Variants in C5orf63 observed in about 807,000 individuals in gnomAD.
C5orf63 encodes chromosome 5 open reading frame 63.
C5orf63 carries 18 observed loss-of-function variants against 13.3 expected under a neutral mutation model. That is an observed-to-expected ratio of 1.36 (90% confidence interval 0.94 to 2.01). C5orf63 has a LOEUF of 2.01. Among genes scored for constraint, C5orf63 ranks in the 30% most tolerant of loss-of-function variants. C5orf63 has a pLI of 0.00. For missense variants in C5orf63, 118 were observed against 127.7 expected (o/e 0.92, Z 0.36); for synonymous variants, 38 against 44.7 (o/e 0.85, Z 0.60).
intron 3 of C5orf63, among the ~76,000 whole-genome samples, chr5:127,053,964 A>T (rs143850178): frequency 1.8e-3 from 276 of 152,242 alleles, no homozygotes; most frequent in Middle Eastern, 0.014. Context: ...TCATGTTATT[A>T]TTAGCATTAG....
chr5:127,061,857 T>G (rs758994246), intron 2 of C5orf63, among the ~76,000 whole-genome samples: 4 of 152,200 alleles, frequency 2.6e-5, no homozygotes, highest in Non-Finnish European at 4.4e-5. Context: ...GGCAGAAGAA[T>G]TAACTTCATT....
downstream of C5orf63, among the ~76,000 whole-genome samples, chr5:127,048,914 T>G (rs1002544240): frequency 1.3e-5 from 2 of 152,188 alleles, no homozygotes; most frequent in African/African-American, 4.8e-5. Flanking sequence ...ACTGGTGGTC[T>G]AGGAGAAGAA....
At chr5:127,049,043 T>C (rs1383156664), downstream of C5orf63, among the ~76,000 whole-genome samples, 5 of 152,076 alleles carry the variant, frequency 3.3e-5, no homozygotes, top group East Asian at 3.9e-4. Flanking sequence ...CCTGGTTGTA[T>C]TGAGAGTGGG....
downstream of C5orf63, among the ~76,000 whole-genome samples, chr5:127,050,861 G>A (rs1311161520): frequency 6.6e-6 from 1 of 152,160 alleles, no homozygotes; most frequent in Non-Finnish European, 1.5e-5. Flanking sequence ...TAAGAGGAAA[G>A]ACAGTTTTGT....
intron 2 of C5orf63, among the ~76,000 whole-genome samples, chr5:127,059,869 G>A (rs940072542): frequency 6.6e-6 from 1 of 152,106 alleles, no homozygotes; most frequent in African/African-American, 2.4e-5. Flanking sequence ...AAGCTGGCCA[G>A]GCGTGGTGGC....
downstream of C5orf63, chr5:127,044,769 CT>C (rs5871239): frequency 0.021 from 2,735 of 127,882 alleles, 79 homozygotes; most frequent in African/African-American, 0.066. Flanking sequence ...TCATTCTATG[CT>C]TTTTTTTTTT....
At chr5:127,056,930 T>C (rs1241616995) in intron 3 of C5orf63, among the ~76,000 whole-genome samples, 1 of 152,224 alleles carries the variant, frequency 6.6e-6, no homozygotes, top group Non-Finnish European at 1.5e-5. Context: ...TGCCTAATGG[T>C]ACAGAATAAG....
Position 127,051,788 on chromosome 5 carries a change from G to A in C5orf63, c.331C>T (p.Gln111Ter). ...LEKQLLKLEQ[Q>*]STGG ...GGCATCAGTCAGCCTCCAGTACTTT[G>A]CTGCTCAAGTTTCAGGAGCTGTTTT... Residue 111 changes from glutamine (Q) to a stop codon, truncating the protein, a stop_gained, in exon 5 of 5, where the codon CAA becomes TAA. Coordinates refer to ENST00000296662, the MANE Select transcript of C5orf63 (RefSeq NM_001164478.2). LOFTEE classifies it high-confidence loss of function. 1 of 1,523,596 alleles carries A rather than the reference G, an allele frequency of 6.6e-7. No homozygotes were observed. The highest frequency in any genetic ancestry group is 8.8e-7 in the Non-Finnish European group (1 of 1,141,158). 94.4% of individuals were successfully genotyped at this position (1,523,596 alleles called of 1,614,324 possible). A position where few individuals can be genotyped will look rare whatever the true frequency, so the allele number is the denominator to read the frequency against.
chr5:127,053,283 T>C (rs887345379), intron 3 of C5orf63, among the ~76,000 whole-genome samples: 2 of 152,224 alleles, frequency 1.3e-5, no homozygotes, highest in Admixed American at 1.3e-4. Context: ...AAACAACTTT[T>C]AGTGTCCATT....
intron 3 of C5orf63, chr5:127,056,638 T>C: frequency 6.6e-6 from 1 of 152,184 alleles, no homozygotes; most frequent in South Asian, 2.1e-4. Context: ...ATGGGAGCTA[T>C]AAGATGAGAT....
chr5:127,051,385 T>C lies in C5orf63; in HGVS notation c.*386A>G. On this transcript the variant is annotated 3_prime_UTR_variant, in exon 5 of 5. Coordinates refer to ENST00000296662, the MANE Select transcript of C5orf63 (RefSeq NM_001164478.2). The stretch of plus-strand genomic sequence containing the variant: ...ACTTTATCTACTGAGTGGAAGAGCA[T>C]TTATTCTTTCATTAAAAAGTTAAGC... The C allele has an allele frequency of 8.1e-7, 1 of 1,232,706 alleles. No individual in the cohort carries two copies. The highest frequency in any genetic ancestry group is 1.0e-6 in the Non-Finnish European group (1 of 988,494). The allele number at this position is 1,232,706 out of a possible 1,614,324, so 76.4% of individuals were successfully genotyped here.
At chr5:127,047,873 G>A (rs534484470), downstream of C5orf63, 53 of 703,254 alleles carry the variant, frequency 7.5e-5, no homozygotes, top group African/African-American at 3.3e-4. Context: ...GAAGGGGAGC[G>A]TCTTCTCCTT....
chr5:127,050,294 T>G (rs1753628597), downstream of C5orf63, among the ~76,000 whole-genome samples: 1 of 152,150 alleles, frequency 6.6e-6, no homozygotes, highest in African/African-American at 2.4e-5. Flanking sequence ...GTTCCAGAAA[T>G]TTGTAAATGA....
chr5:127,073,157 G>C (rs1055636840), intron 1 of C5orf63: 3 of 151,566 alleles, frequency 2.0e-5, no homozygotes, highest in African/African-American at 7.3e-5. Flanking sequence ...ATGAAGTTGA[G>C]ATGTTTTCTG....
intron 2 of C5orf63, among the ~76,000 whole-genome samples, chr5:127,065,992 A>AGAT (rs1754316016): frequency 6.6e-6 from 1 of 152,080 alleles, no homozygotes; most frequent in Non-Finnish European, 1.5e-5. Context: ...TACAGGGGAG[A>AGAT]GATAATAGCA....
rs184349820 is a variant in C5orf63, at chr5:127,051,494, C to T, written c.*277G>A. Reference sequence around the variant, plus strand: ...ACTGTGAAGTGCTTCTCTATTAATACAAAAAGGATAAATAAGACAAATGGA... The same window carrying T: ...ACTGTGAAGTGCTTCTCTATTAATATAAAAAGGATAAATAAGACAAATGGA... On this transcript the variant is annotated 3_prime_UTR_variant, in exon 5 of 5. Coordinates refer to ENST00000296662, the MANE Select transcript of C5orf63 (RefSeq NM_001164478.2). 1.7e-5 allele frequency: 21 copies of T among 1,235,386 alleles called. No homozygotes were observed. Among genetic ancestry groups the T allele is most frequent in the Non-Finnish European group, 2.1e-5 (21 of 990,112 alleles). 76.5% of individuals were successfully genotyped at this position (1,235,386 alleles called of 1,614,324 possible). A position where few individuals can be genotyped will look rare whatever the true frequency, so the allele number is the denominator to read the frequency against.
At chr5:127,042,574 G>A (rs990183521), downstream of C5orf63, 7 of 151,784 alleles carry the variant, frequency 4.6e-5, no homozygotes, top group African/African-American at 1.7e-4. Context: ...TGGCAGGGAG[G>A]AAAAATATTT....
At chr5:127,057,657 T>C (rs1162290027) in intron 3 of C5orf63, among the ~76,000 whole-genome samples, 4 of 152,228 alleles carry the variant, frequency 2.6e-5, no homozygotes, top group Admixed American at 6.5e-5. Flanking sequence ...TTCACAGACA[T>C]GCACATGCAT....
chr5:127,053,003 T>C (rs1447619257), intron 3 of C5orf63, among the ~76,000 whole-genome samples: 4 of 152,174 alleles, frequency 2.6e-5, no homozygotes, highest in African/African-American at 7.2e-5. Context: ...CTAGGTCAGG[T>C]GCACCCTTGT....
Sources: allele counts gnomAD v4.1 joint callset (sites outside exome capture counted in the v4.1 genomes callset), GRCh38; gene constraint gnomAD v4.1.1; transcripts MANE v1.5; gene names NCBI Gene and HGNC (gene_info 2026-07-23, HGNC 2026-07-21).